Variants in ELL observed in about 807,000 individuals in gnomAD.
The protein encoded by ELL is RNA polymerase II elongation factor ELL.
A neutral mutation model predicts 64.0 loss-of-function variants in ELL; 18 were observed. That is an observed-to-expected ratio of 0.28 (90% CI 0.19 to 0.42). The LOEUF (loss-of-function observed/expected upper bound fraction) is 0.42. Ranked by LOEUF, ELL falls within the 10% of genes least tolerant of loss-of-function variation. ELL has a pLI of 1.00. For synonymous variants in ELL, 399 were observed against 376.2 expected (o/e 1.06, Z -0.70); for missense variants, 797 against 870.4 (o/e 0.92, Z 1.06).
At chr19:18,503,626 C>A (rs751179668) in intron 1 of ELL, among the ~76,000 whole-genome samples, 3 of 152,220 alleles carry the variant, frequency 2.0e-5, no homozygotes, top group Non-Finnish European at 4.4e-5. Flanking sequence ...GCCACGGCTG[C>A]TGAGCACTCA....
At chr19:18,473,047 C>A in intron 1 of ELL, 165 bp from the exon 2 acceptor site, 1 of 807,872 alleles carries the variant, frequency 1.2e-6, no homozygotes. Flanking sequence ...GCAAGGTCAC[C>A]GGAGCAGGGT....
At position 18,470,453 on chromosome 19, in the gene ELL, G is replaced by A. The variant is rs113062932; in HGVS notation, c.183+2382C>T. 8.0e-3 allele frequency among the ~76,000 whole-genome samples: 1,223 copies of A among 152,344 alleles called. 16 individuals are homozygous for A. Among genetic ancestry groups the A allele is most frequent in the African/African-American group, 0.027 (1,143 of 41,578 alleles). ...AGGGCACTGTGGGGCTGCTCTGGCA[G>A]CAAGCCCAGGCCAGCCCGCCCCTGC... On this transcript the variant is annotated intron_variant, in intron 2 of 11. Transcript: ENST00000262809.
At position 18,444,799 on chromosome 19, in the gene ELL, T is replaced by G; in HGVS notation, c.1819A>C (p.Arg607=). Residue 607 remains arginine (R), a synonymous_variant, in exon 12 of 12, where the codon AGG becomes CGG. Transcript: ENST00000262809. Reference sequence around the variant, plus strand: ...CGCTGGTCGTACTCGGCGATGAGCCTCTTGATGTGGGCCAGCTTGCTGTGC... The same window carrying G: ...CGCTGGTCGTACTCGGCGATGAGCCGCTTGATGTGGGCCAGCTTGCTGTGC... ...YLHSKLAHIK[R]LIAEYDQRQL... The G allele has an allele frequency of 6.2e-7, 1 of 1,610,920 alleles. No homozygotes were observed. The highest frequency in any genetic ancestry group is 8.5e-7 in the Non-Finnish European group (1 of 1,179,920).
At chr19:18,509,582 T>TGCGCGCGCGCGCGTGC (rs138250487) in intron 1 of ELL, among the ~76,000 whole-genome samples, 1 of 95,538 alleles carries the variant, frequency 1.0e-5, no homozygotes, top group African/African-American at 4.7e-5. Context: ...CCAATGCACG[T>TGCGCGCGCGCGCGTGC]GCGCGCGCGC....
At chr19:18,518,868 C>A (rs1012951105) in intron 1 of ELL, among the ~76,000 whole-genome samples, 1 of 151,998 alleles carries the variant, frequency 6.6e-6, no homozygotes, top group Non-Finnish European at 1.5e-5. Context: ...TACTGCTGCG[C>A]CTTTACCTTC....
intron 2 of ELL, among the ~76,000 whole-genome samples, chr19:18,467,658 CACACACACACACACAA>C (rs1568383682): frequency 9.2e-6 from 1 of 109,090 alleles, no homozygotes; most frequent in Non-Finnish European, 1.9e-5. Context: ...CACACACACA[CACACACACACACACAA>C]ACACAACCCC....
chr19:18,448,630 A>G (rs1336916398), intron 8 of ELL: 2 of 152,240 alleles, frequency 1.3e-5, no homozygotes, highest in Non-Finnish European at 2.9e-5. Flanking sequence ...TCTACAACAG[A>G]TAACTGCCAT....
chr19:18,459,590 G>T (rs970683898), intron 5 of ELL, among the ~76,000 whole-genome samples: 2 of 148,672 alleles, frequency 1.3e-5, no homozygotes, highest in Non-Finnish European at 3.0e-5. Flanking sequence ...CGCTATCTTG[G>T]CTCACTGCAA....
chr19:18,447,361 G>C (rs536698910), intron 8 of ELL, among the ~76,000 whole-genome samples: 1 of 152,358 alleles, frequency 6.6e-6, no homozygotes, highest in South Asian at 2.1e-4. Flanking sequence ...CCCTTGGTCT[G>C]TGCCCCACCC....
chr19:18,480,340 G>A (rs2144940560), intron 1 of ELL, among the ~76,000 whole-genome samples: 1 of 152,370 alleles, frequency 6.6e-6, no homozygotes, highest in Non-Finnish European at 1.5e-5. Flanking sequence ...TGACTGAGTG[G>A]GGCTGTCTCC....
At chr19:18,521,088 A>G (rs901028868) in intron 1 of ELL, among the ~76,000 whole-genome samples, 1 of 151,946 alleles carries the variant, frequency 6.6e-6, no homozygotes, top group Non-Finnish European at 1.5e-5. Flanking sequence ...GATGGGCCCA[A>G]ATCGGCCTCT....
At chr19:18,519,806 CAAAAAAAA>C (rs1183522203) in intron 1 of ELL, among the ~76,000 whole-genome samples, 1 of 63,016 alleles carries the variant, frequency 1.6e-5, no homozygotes, top group Non-Finnish European at 3.4e-5. Flanking sequence ...AACTCCATCT[CAAAAAAAA>C]AAAAAAAAAA....
intron 2 of ELL, among the ~76,000 whole-genome samples, chr19:18,470,241 A>G (rs534266495): frequency 6.6e-6 from 1 of 152,384 alleles, no homozygotes; most frequent in East Asian, 1.9e-4. Context: ...GTCAAGGCAC[A>G]TGGCATGCTG....
Position 18,518,715 on chromosome 19 carries a change from C to A in ELL, c.135+3206G>T, listed in dbSNP as rs537121556. ...CTGAGGCAGGAGAATCACTTGAACC[C>A]GGGAGGCGGAGGTTGCAGTGAGCTG... On this transcript the variant is annotated intron_variant, in intron 1 of 11. Coordinates refer to ENST00000262809, the MANE Select transcript of ELL (RefSeq NM_006532.4). Among the ~76,000 whole-genome samples the A allele has an allele frequency of 3.3e-5, 5 of 150,938 alleles. No homozygotes were observed. In the Admixed American group the frequency reaches 3.3e-4, roughly 10 times the overall value.
In ELL at chr19:18,465,579, C is replaced by T. The variant is rs1012828062; in HGVS notation, c.306-4G>A. 3.2e-6 allele frequency: 5 copies of T among 1,581,302 alleles called. No homozygotes were observed. The African/African-American group carries it at 6.7e-5, about 21-fold the overall frequency. ...GTCCAGGTGAACTTCCCCATGACTG[C>T]AAGACAAGGCCAGGAGCTGGGGTCA... On this transcript the variant is annotated splice_polypyrimidine_tract_variant and splice_region_variant and intron_variant, in intron 3 of 11. Coordinates refer to ENST00000262809, the MANE Select transcript of ELL (RefSeq NM_006532.4).
At chr19:18,447,017 C>T (rs1368710058) in intron 8 of ELL, among the ~76,000 whole-genome samples, 1 of 152,208 alleles carries the variant, frequency 6.6e-6, no homozygotes, top group East Asian at 1.9e-4. Context: ...CCTGGGCGTG[C>T]CCTCCAGGTG....
intron 1 of ELL, among the ~76,000 whole-genome samples, chr19:18,486,522 C>G (rs1568390393): frequency 6.6e-6 from 1 of 151,990 alleles, no homozygotes. Flanking sequence ...CCACACTCAC[C>G]AAGGCTGCCC....
At chr19:18,480,954 G>A (rs1975287713) in intron 1 of ELL, among the ~76,000 whole-genome samples, 1 of 152,180 alleles carries the variant, frequency 6.6e-6, no homozygotes, top group South Asian at 2.1e-4. Flanking sequence ...ATTTCTATCT[G>A]CATTCACGAA....
At chr19:18,480,422 C>T (rs541771863) in intron 1 of ELL, among the ~76,000 whole-genome samples, 20 of 152,294 alleles carry the variant, frequency 1.3e-4, no homozygotes, top group Admixed American at 4.6e-4. Context: ...GGAACTTGGA[C>T]AGACACATTG....
Sources: allele counts gnomAD v4.1 joint callset (sites outside exome capture counted in the v4.1 genomes callset), GRCh38; gene constraint gnomAD v4.1.1; transcripts MANE v1.5; gene names NCBI Gene and HGNC (gene_info 2026-07-23, HGNC 2026-07-21).